The following FREM2 variants were observed in gnomAD, a reference collection of about 807,000 sequenced individuals.
FREM2 encodes FRAS1 related extracellular matrix 2.
Under a neutral mutation model 219.9 loss-of-function variants are expected in FREM2, and 119 were observed. That is an observed-to-expected ratio of 0.54 (90% CI 0.47 to 0.63). The LOEUF (loss-of-function observed/expected upper bound fraction) is 0.63. FREM2 is among the 30% of genes least tolerant of loss of function. FREM2 has a pLI of 0.00. For missense variants in FREM2, 4,030 were observed against 3,993.6 expected (o/e 1.01, Z -0.25); for synonymous variants, 1,562 against 1,522.8 (o/e 1.03, Z -0.60).
At chr13:38,759,681 C>A (rs1183887680) in intron 2 of FREM2, among the ~76,000 whole-genome samples, 1 of 152,162 alleles carries the variant, frequency 6.6e-6, no homozygotes, top group East Asian at 1.9e-4. Context: ...GAGACTAGCT[C>A]CTCATGCACC....
chr13:38,798,474 G>A (rs1239529227), intron 6 of FREM2, among the ~76,000 whole-genome samples: 1 of 152,020 alleles, frequency 6.6e-6, no homozygotes, highest in African/African-American at 2.4e-5. Flanking sequence ...GGGTAATACT[G>A]TCCTGATAAT....
At chr13:38,765,200 G>A (rs541134718) in intron 3 of FREM2, among the ~76,000 whole-genome samples, 27 of 152,270 alleles carry the variant, frequency 1.8e-4, no homozygotes, top group African/African-American at 4.6e-4. Context: ...GTGAGCCACC[G>A]CGCCCGGCCT....
chr13:38,712,332 G>A (rs1056348406), intron 2 of FREM2, among the ~76,000 whole-genome samples: 2 of 152,160 alleles, frequency 1.3e-5, no homozygotes, highest in Non-Finnish European at 1.5e-5. Flanking sequence ...ATTCATAGTG[G>A]TTGTATTACC....
At chr13:38,757,024 A>G (rs1873038203) in intron 2 of FREM2, among the ~76,000 whole-genome samples, 1 of 152,188 alleles carries the variant, frequency 6.6e-6, no homozygotes. Flanking sequence ...GAATGATTAC[A>G]AAAGTACCAA....
At chr13:38,730,310 T>C (rs566178899) in intron 2 of FREM2, among the ~76,000 whole-genome samples, 1 of 152,338 alleles carries the variant, frequency 6.6e-6, no homozygotes, top group African/African-American at 2.4e-5. Context: ...ATAAATGATA[T>C]TTCTTTTTGT....
chr13:38,699,478 G>A (rs187073285), intron 2 of FREM2, among the ~76,000 whole-genome samples: 70 of 152,184 alleles, frequency 4.6e-4, no homozygotes, highest in African/African-American at 1.6e-3. Flanking sequence ...AAGGGGCTCG[G>A]TTTATGTTTG....
chr13:38,725,750 T>A (rs1228972842), intron 2 of FREM2, among the ~76,000 whole-genome samples: 1 of 152,202 alleles, frequency 6.6e-6, no homozygotes, highest in Non-Finnish European at 1.5e-5. Flanking sequence ...TCTAATGTAC[T>A]TTTGCAGATC....
chr13:38,864,827 CATT>C lies in FREM2; in HGVS notation c.7983+224_7983+226del, dbSNP rs10554083. Among the ~76,000 whole-genome samples the C allele has an allele frequency of 0.25, 38,404 of 151,974 alleles. 6,028 individuals are homozygous for C. Among genetic ancestry groups the C allele is most frequent in the African/African-American group, 0.43 (17,975 of 41,386 alleles). ...GTAGTTTTTGACAATGGGCTAGAAA[CATT>C]ATATCTATGTGAAAAGGATGCTGTA... On this transcript the variant is annotated intron_variant, in intron 16 of 23. Transcript: ENST00000280481.
chr13:38,696,700 G>A (rs925276611), intron 1 of FREM2, among the ~76,000 whole-genome samples: 1 of 152,034 alleles, frequency 6.6e-6, no homozygotes, highest in East Asian at 1.9e-4. Context: ...TTTAAAAATT[G>A]TGTCTTCATA....
intron 6 of FREM2, among the ~76,000 whole-genome samples, chr13:38,824,449 G>C (rs1876192922): frequency 6.6e-6 from 1 of 152,108 alleles, no homozygotes; most frequent in Admixed American, 6.6e-5. Context: ...AGGAAAGAAA[G>C]AGTTTAATTG....
chr13:38,761,083 T>C (rs1873208337), intron 2 of FREM2, among the ~76,000 whole-genome samples: 1 of 152,154 alleles, frequency 6.6e-6, no homozygotes, highest in South Asian at 2.1e-4. Context: ...ATTGTTAAAA[T>C]TTAGAGGAAT....
chr13:38,706,429 T>G (rs926846255), intron 2 of FREM2, among the ~76,000 whole-genome samples: 3 of 152,164 alleles, frequency 2.0e-5, no homozygotes, highest in African/African-American at 7.2e-5. Context: ...AAAAAGCAAG[T>G]AAATAAATGT....
At position 38,856,828 on chromosome 13, in the gene FREM2, C is replaced by T. The variant is rs144946362; in HGVS notation, c.7056+572C>T. On this transcript the variant is annotated intron_variant, in intron 12 of 23. Transcript: ENST00000280481. ...TGAACATAATTCCACAGAATGTTGA[C>T]CTTTATATTGGAAATAATTTTTAAA... Among the ~76,000 whole-genome samples the T allele has an allele frequency of 4.8e-3, 734 of 151,990 alleles. 9 individuals carry two copies. The highest frequency in any genetic ancestry group is 0.017 in the African/African-American group (708 of 41,308).
At chr13:38,705,119 G>C (rs974821507) in intron 2 of FREM2, among the ~76,000 whole-genome samples, 4 of 152,196 alleles carry the variant, frequency 2.6e-5, no homozygotes, top group Non-Finnish European at 5.9e-5. Flanking sequence ...ATTCTTGCAG[G>C]TGTAGAGGAT....
intron 16 of FREM2, among the ~76,000 whole-genome samples, chr13:38,869,376 A>G (rs6563646): frequency 0.74 from 111,999 of 152,088 alleles, 41,640 homozygotes; most frequent in East Asian, 0.84. Context: ...AGCTTCAGCT[A>G]TTATTAAAAC....
At chr13:38,824,411 G>T (rs922372422) in intron 6 of FREM2, among the ~76,000 whole-genome samples, 60 of 152,040 alleles carry the variant, frequency 3.9e-4, no homozygotes, top group African/African-American at 1.3e-3. Context: ...ATTCTGGCTC[G>T]GTACACAAAT....
intron 6 of FREM2, among the ~76,000 whole-genome samples, chr13:38,833,796 G>T (rs1403864494): frequency 6.6e-6 from 1 of 151,848 alleles, no homozygotes; most frequent in African/African-American, 2.4e-5. Flanking sequence ...TTTTAGTTTG[G>T]TTTCCTGTGA....
chr13:38,842,483 G>A (rs1239045966), intron 6 of FREM2, among the ~76,000 whole-genome samples: 2 of 152,154 alleles, frequency 1.3e-5, no homozygotes, highest in Admixed American at 6.5e-5. Context: ...CCCATGGGAC[G>A]TGGATTGATT....
chr13:38,696,817 T>A (rs908244593), intron 1 of FREM2, among the ~76,000 whole-genome samples: 1 of 151,986 alleles, frequency 6.6e-6, no homozygotes, highest in Non-Finnish European at 1.5e-5. Context: ...CCACTTTTTT[T>A]TTTTTTTTGA....
Sources: gnomAD v4.1 joint callset for allele counts (sites outside exome capture counted in the v4.1 genomes callset) on GRCh38, gnomAD v4.1.1 for gene constraint, MANE v1.5 for transcripts, NCBI Gene and HGNC (gene_info 2026-07-23, HGNC 2026-07-21) for gene names.